The following FRK variants were observed in gnomAD, a reference collection of about 807,000 sequenced individuals.
FRK encodes fyn related Src family tyrosine kinase.
In FRK, 51 loss-of-function variants were observed where a neutral mutation model predicts 56.4. That is an observed-to-expected ratio of 0.90 (90% CI 0.72 to 1.14). FRK has a LOEUF of 1.14. Ranked by LOEUF, FRK falls within the 50% of genes most tolerant of loss-of-function variation. FRK has a pLI of 0.00. For missense variants in FRK, 570 were observed against 601.4 expected (o/e 0.95, Z 0.55); for synonymous variants, 245 against 217.9 (o/e 1.12, Z -1.10).
the FRK span, among the ~76,000 whole-genome samples, chr6:116,085,748 G>T: frequency 6.6e-6 from 1 of 152,200 alleles, no homozygotes; most frequent in Non-Finnish European, 1.5e-5. Context: ...CACAGAGAGA[G>T]AGGGAGAGAT....
intron 1 of FRK, 109 bp downstream of exon 1, chr6:116,059,859 T>G: frequency 1.0e-6 from 1 of 955,070 alleles, no homozygotes. Flanking sequence ...TTCCTCATAC[T>G]TTTTAGGCAA....
the FRK span, among the ~76,000 whole-genome samples, chr6:116,078,160 C>T: frequency 6.6e-6 from 1 of 152,132 alleles, no homozygotes; most frequent in Non-Finnish European, 1.5e-5. Flanking sequence ...AACTCCATTT[C>T]ATAAATAAAT....
the FRK span, among the ~76,000 whole-genome samples, chr6:116,068,124 A>T: frequency 6.6e-6 from 1 of 152,200 alleles, no homozygotes; most frequent in African/African-American, 2.4e-5. Context: ...GGGAAATGAC[A>T]AGAATCCGTT....
At chr6:116,062,462 GAA>G (rs550646718), upstream of FRK, among the ~76,000 whole-genome samples, 5 of 119,200 alleles carry the variant, frequency 4.2e-5, no homozygotes, top group Admixed American at 8.5e-5. Flanking sequence ...ATCTAAAAAT[GAA>G]AAAAAAAAAA....
intron 1 of FRK, among the ~76,000 whole-genome samples, chr6:116,022,760 T>G (rs945840683): frequency 1.3e-5 from 2 of 152,178 alleles, no homozygotes; most frequent in Non-Finnish European, 2.9e-5. Flanking sequence ...TATACACGGA[T>G]GCAGACAAAG....
In FRK at chr6:116,039,533, G is replaced by A. The variant is rs145234606; in HGVS notation, c.344+20435C>T. ...TTCCCTACCCTTCCTGCCAAGCCAG[G>A]GACTAAGCAGCCCAGAAGCCCAGTA... On this transcript the variant is annotated intron_variant, in intron 1 of 7. Transcript: ENST00000606080. 4,980 of 1,185,576 alleles carry A rather than the reference G, an allele frequency of 4.2e-3. 132 individuals are homozygous for A. In the South Asian group the frequency reaches 0.043, roughly 10 times the overall value. The allele number at this position is 1,185,576 out of a possible 1,614,324, so 73.4% of individuals were successfully genotyped here. A position where few individuals can be genotyped will look rare whatever the true frequency, so the allele number is the denominator to read the frequency against.
chr6:115,991,268 T>C (rs1287837823), intron 2 of FRK, among the ~76,000 whole-genome samples: 1 of 151,734 alleles, frequency 6.6e-6, no homozygotes, highest in East Asian at 1.9e-4. Flanking sequence ...TTATTTCTTT[T>C]TCTTGTCTGA....
chr6:115,983,373 C>G (rs1303510299), intron 2 of FRK, among the ~76,000 whole-genome samples: 1 of 152,114 alleles, frequency 6.6e-6, no homozygotes, highest in Non-Finnish European at 1.5e-5. Flanking sequence ...AGGCACTGCT[C>G]ACAGCTCCAA....
chr6:116,040,051 T>A (rs188843245), intron 1 of FRK, among the ~76,000 whole-genome samples: 1 of 152,194 alleles, frequency 6.6e-6, no homozygotes, highest in African/African-American at 2.4e-5. Flanking sequence ...AAGTCCATGA[T>A]CTACATATTA....
chr6:116,090,111 T>C, the FRK span, among the ~76,000 whole-genome samples: 1 of 152,246 alleles, frequency 6.6e-6, no homozygotes, highest in Non-Finnish European at 1.5e-5. Flanking sequence ...GTATTTTATC[T>C]GTGAATGTTA....
chr6:116,028,345 G>C (rs976154598), intron 1 of FRK, among the ~76,000 whole-genome samples: 2 of 151,942 alleles, frequency 1.3e-5, no homozygotes, highest in African/African-American at 4.8e-5. Flanking sequence ...TTAAAAACTG[G>C]ATGTTTTTTT....
chr6:116,072,413 A>T, the FRK span, among the ~76,000 whole-genome samples: 1 of 152,154 alleles, frequency 6.6e-6, no homozygotes, highest in Non-Finnish European at 1.5e-5. Flanking sequence ...TCCAGTTCTC[A>T]TCTTCTAAAA....
At chr6:115,986,622 A>G (rs973121751) in intron 2 of FRK, among the ~76,000 whole-genome samples, 6 of 152,156 alleles carry the variant, frequency 3.9e-5, no homozygotes, top group African/African-American at 1.4e-4. Context: ...TAAAGAGGTG[A>G]TCTCTTCAGT....
chr6:116,024,431 A>G (rs1204238397), intron 1 of FRK, among the ~76,000 whole-genome samples: 1 of 140,116 alleles, frequency 7.1e-6, no homozygotes, highest in African/African-American at 2.6e-5. Context: ...ACACCCCACA[A>G]CAGTCCCCAG....
chr6:116,050,213 G>A (rs1777134200), intron 1 of FRK, among the ~76,000 whole-genome samples: 1 of 152,108 alleles, frequency 6.6e-6, no homozygotes, highest in Non-Finnish European at 1.5e-5. Flanking sequence ...GCTACACTGT[G>A]ACTATGATGG....
At chr6:115,944,499 T>C (rs1487995004) in intron 5 of FRK, 74 bp from the exon 6 acceptor site, 29 of 1,162,920 alleles carry the variant, frequency 2.5e-5, no homozygotes, top group Non-Finnish European at 3.5e-5. Flanking sequence ...CTGAGAATTT[T>C]GAATGTATGA....
chr6:115,997,158 A>G (rs2114677324), intron 2 of FRK, among the ~76,000 whole-genome samples: 1 of 152,344 alleles, frequency 6.6e-6, no homozygotes, highest in Non-Finnish European at 1.5e-5. Flanking sequence ...TATTCTTTCT[A>G]AAAAGGCAGT....
intron 2 of FRK, among the ~76,000 whole-genome samples, chr6:115,974,621 T>TA (rs1405758463): frequency 3.3e-5 from 5 of 152,172 alleles, no homozygotes; most frequent in Admixed American, 1.3e-4. Flanking sequence ...GTAGGCTTTT[T>TA]AAAAAAATCT....
intron 1 of FRK, among the ~76,000 whole-genome samples, chr6:116,057,990 T>C (rs749269600): frequency 6.6e-6 from 1 of 152,130 alleles, no homozygotes; most frequent in East Asian, 1.9e-4. Context: ...ACATAAGAGC[T>C]CCTGTTCCCA....
Sources: allele counts gnomAD v4.1 joint callset (sites outside exome capture counted in the v4.1 genomes callset), GRCh38; gene constraint gnomAD v4.1.1; transcripts MANE v1.5; gene names NCBI Gene and HGNC (gene_info 2026-07-23, HGNC 2026-07-21).